The following FAM110B variants were observed in gnomAD, a reference collection of about 807,000 sequenced individuals.
FAM110B encodes the protein family with sequence similarity 110 member B, also known as protein FAM110B.
A neutral mutation model predicts 20.4 loss-of-function variants in FAM110B; 6 were observed. That is an observed-to-expected ratio of 0.29 (90% CI 0.16 to 0.58). FAM110B has a LOEUF of 0.58. FAM110B is among the 20% of genes least tolerant of loss of function. FAM110B has a pLI of 0.90. For missense variants in FAM110B, 434 were observed against 498.2 expected (o/e 0.87, Z 1.23); for synonymous variants, 226 against 214.1 (o/e 1.06, Z -0.49).
At chr8:58,045,245 G>A (rs560114323) in intron 2 of FAM110B, among the ~76,000 whole-genome samples, 5 of 152,196 alleles carry the variant, frequency 3.3e-5, no homozygotes, top group East Asian at 1.9e-4. Flanking sequence ...CAGTCATCAG[G>A]GCTGTGGCAG....
At chr8:58,046,319 A>T (rs1805319696) in intron 2 of FAM110B, among the ~76,000 whole-genome samples, 1 of 152,232 alleles carries the variant, frequency 6.6e-6, no homozygotes, top group Non-Finnish European at 1.5e-5. Context: ...AGTGTTAGTA[A>T]TTCAGTCTTC....
At chr8:58,078,604 G>A (rs768100618) in intron 3 of FAM110B, among the ~76,000 whole-genome samples, 1 of 138,636 alleles carries the variant, frequency 7.2e-6, no homozygotes, top group Non-Finnish European at 1.5e-5. Flanking sequence ...AGGCTGGAGT[G>A]CAGTGGTGCG....
At chr8:58,142,565 C>T (rs1236429091) in intron 3 of FAM110B, among the ~76,000 whole-genome samples, 13 of 151,818 alleles carry the variant, frequency 8.6e-5, no homozygotes, top group Non-Finnish European at 1.8e-4. Flanking sequence ...CCCCTGCCAC[C>T]ATCACCCCCA....
intron 3 of FAM110B, among the ~76,000 whole-genome samples, chr8:58,112,438 TTGTATAA>T (rs1807082532): frequency 6.6e-6 from 1 of 152,256 alleles, no homozygotes; most frequent in Non-Finnish European, 1.5e-5. Flanking sequence ...GTACAGCCCC[TTGTATAA>T]AGCAAGACTT....
At chr8:58,053,260 C>A (rs1167983200) in intron 2 of FAM110B, among the ~76,000 whole-genome samples, 2 of 152,074 alleles carry the variant, frequency 1.3e-5, no homozygotes, top group Admixed American at 6.6e-5. Context: ...GTGGCTTGGG[C>A]CAGGGGTTGG....
At chr8:58,134,165 AGTT>A (rs1320528707) in intron 3 of FAM110B, among the ~76,000 whole-genome samples, 1 of 152,254 alleles carries the variant, frequency 6.6e-6, no homozygotes, top group African/African-American at 2.4e-5. Context: ...GCAAAGAACT[AGTT>A]GTTCTAACAA....
intron 1 of FAM110B, 27 bp downstream of exon 1, chr8:57,994,833 G>A (rs1804146052): frequency 6.6e-6 from 1 of 152,238 alleles, no homozygotes. Context: ...GGGGCCGGGA[G>A]AGAGACTGCT....
chr8:58,096,304 TAG>T (rs1806626043), intron 3 of FAM110B, among the ~76,000 whole-genome samples: 2 of 152,104 alleles, frequency 1.3e-5, no homozygotes, highest in South Asian at 2.1e-4. Context: ...GTCTCCCGAG[TAG>T]CTGGGATTAC....
chr8:58,006,533 C>T (rs1804406479), intron 1 of FAM110B, among the ~76,000 whole-genome samples: 1 of 151,912 alleles, frequency 6.6e-6, no homozygotes, highest in South Asian at 2.1e-4. Flanking sequence ...TGGCTGGGTC[C>T]AAGTGTAATA....
At chr8:58,056,068 T>G (rs1285878026) in intron 2 of FAM110B, among the ~76,000 whole-genome samples, 2 of 152,192 alleles carry the variant, frequency 1.3e-5, no homozygotes, top group Non-Finnish European at 2.9e-5. Context: ...TAAATAAAGT[T>G]TTATTAGCAC....
At chr8:58,122,675 C>T (rs975655794) in intron 3 of FAM110B, among the ~76,000 whole-genome samples, 6 of 152,078 alleles carry the variant, frequency 3.9e-5, no homozygotes, top group African/African-American at 1.4e-4. Context: ...CACTAACTTC[C>T]CTTTTTTCTC....
chr8:58,015,240 G>T (rs749581073), intron 1 of FAM110B, among the ~76,000 whole-genome samples: 1 of 151,806 alleles, frequency 6.6e-6, no homozygotes, highest in Admixed American at 6.6e-5. Context: ...GCCTGTTATC[G>T]CAGCTACTCG....
chr8:58,086,595 A>G (rs10504241), intron 3 of FAM110B, among the ~76,000 whole-genome samples: 29,684 of 152,152 alleles, frequency 0.2, 6,523 homozygotes, highest in African/African-American at 0.54. Context: ...TTGGCACTTA[A>G]CGTTACGCAT....
In FAM110B at chr8:58,146,363, C is replaced by G; in HGVS notation, c.133C>G (p.Pro45Ala). 1 of 1,614,078 alleles carries G rather than the reference C, an allele frequency of 6.2e-7. No individual in the cohort carries two copies. Among genetic ancestry groups the G allele is most frequent in the Non-Finnish European group, 8.5e-7 (1 of 1,180,010 alleles). The change falls in exon 4 of 4, where the codon CCC becomes GCC. Residue 45 changes from proline to alanine, a missense_variant. Physicochemically the swap from Pro to Ala is conservative, Grantham distance 27 (BLOSUM62 -1). Around this residue, in one of 3 missense-constraint regions of FAM110B, gnomAD observed 56 missense variants for 82.1 expected, o/e 0.68. Transcript: ENST00000519262. ...CTTCCGCAGGCAGGCCGAGCCCAACCCCAAGAGGCTCAGCGCCGTGGAGAG... is the reference window on the plus strand; with the variant it reads ...CTTCCGCAGGCAGGCCGAGCCCAACGCCAAGAGGCTCAGCGCCGTGGAGAG... ...DYFRRQAEPN[P>A]KRLSAVERLE...
intron 3 of FAM110B, among the ~76,000 whole-genome samples, chr8:58,085,740 C>T (rs947097249): frequency 2.0e-5 from 3 of 152,056 alleles, no homozygotes; most frequent in Non-Finnish European, 4.4e-5. Context: ...TACTTTGAAC[C>T]CCCCACAGAT....
intron 3 of FAM110B, among the ~76,000 whole-genome samples, chr8:58,075,980 A>C (rs1415671542): frequency 6.6e-6 from 1 of 152,028 alleles, no homozygotes; most frequent in Non-Finnish European, 1.5e-5. Context: ...TTTTTTGTCA[A>C]TGATGGGGTT....
At chr8:58,138,664 C>T (rs1803676850) in intron 3 of FAM110B, among the ~76,000 whole-genome samples, 1 of 152,222 alleles carries the variant, frequency 6.6e-6, no homozygotes, top group African/African-American at 2.4e-5. Flanking sequence ...GCTTCGCCCA[C>T]CTGACATCCT....
chr8:58,080,013 C>T (rs1806149789), intron 3 of FAM110B, among the ~76,000 whole-genome samples: 1 of 152,288 alleles, frequency 6.6e-6, no homozygotes, highest in South Asian at 2.1e-4. Flanking sequence ...ACGTTATGTG[C>T]AGTTTTCACT....
At chr8:58,094,722 T>C (rs907188969) in intron 3 of FAM110B, among the ~76,000 whole-genome samples, 7 of 152,232 alleles carry the variant, frequency 4.6e-5, no homozygotes, top group Non-Finnish European at 7.3e-5. Flanking sequence ...TTTTTGGTTG[T>C]GTCTCCGCCA....
Sources: allele counts gnomAD v4.1 joint callset (sites outside exome capture counted in the v4.1 genomes callset), GRCh38; gene constraint gnomAD v4.1.1; regional missense constraint gnomAD v4.1.1; transcripts MANE v1.5; gene names NCBI Gene and HGNC (gene_info 2026-07-23, HGNC 2026-07-21).